The following EXOC3L2 variants were observed in gnomAD, a reference collection of about 807,000 sequenced individuals.
EXOC3L2 encodes exocyst complex component 3-like protein 2.
Under a neutral mutation model 44.4 loss-of-function variants are expected in EXOC3L2, and 17 were observed. The ratio of observed to expected loss-of-function variants is 0.38; its 90% CI spans 0.26 to 0.57. The LOEUF is 0.57. Ranked by LOEUF, EXOC3L2 falls within the 20% of genes least tolerant of loss-of-function variation. The probability of loss-of-function intolerance (pLI) is 0.65; values close to 1 mark genes in which losing one functional copy is unlikely to be tolerated. For missense variants in EXOC3L2, 541 were observed against 588.4 expected (o/e 0.92, Z 0.83); for synonymous variants, 256 against 253.7 (o/e 1.01, Z -0.09).
Position 45,231,844 on chromosome 19 carries a change from G to A in EXOC3L2, c.1188C>T (p.Ala396=), listed in dbSNP as rs756625243. 10 of 1,609,248 alleles carry A rather than the reference G, an allele frequency of 6.2e-6. No individual in the cohort carries two copies. The highest frequency in any genetic ancestry group is 1.7e-5 in the Admixed American group (1 of 59,936). The change falls in exon 4 of 12, where the codon GCC becomes GCT. Residue 396 remains alanine, a synonymous_variant. Coordinates refer to ENST00000413988, the MANE Select transcript of EXOC3L2 (RefSeq NM_001382422.1). ...GGGGCCCCAGCTCCCCATTCTCCAG[G>A]GCGGCCATGTCCACCAGCCCTAGGA... ...REVLGLVDMA[A]LENGELGPLL...
At chr19:45,218,158 T>TGGCCCCC in intron 9 of EXOC3L2, 39 bp downstream of exon 9, 4 of 1,034,898 alleles carry the variant, frequency 3.9e-6, no homozygotes, top group South Asian at 1.8e-5. Flanking sequence ...TCCCCTCTTT[T>TGGCCCCC]CCCCCACCCC....
At chr19:45,228,357 C>T (rs949865874) in intron 4 of EXOC3L2, 91 bp from the exon 5 acceptor site, 3 of 1,117,488 alleles carry the variant, frequency 2.7e-6, no homozygotes, top group Middle Eastern at 2.9e-4. Context: ...TCCCCTAGCC[C>T]TTAACCCCAA....
In EXOC3L2 at chr19:45,224,899, C is replaced by A. The variant is rs765643980; in HGVS notation, c.1598G>T (p.Arg533Leu). 2 of 1,553,510 alleles carry A rather than the reference C, an allele frequency of 1.3e-6. No individual in the cohort carries two copies. The highest frequency in any genetic ancestry group is 8.7e-7 in the Non-Finnish European group (1 of 1,147,914). The change falls in exon 8 of 12, where the codon CGC (arginine) becomes CTC (leucine). Residue 533 changes from arginine to leucine, a missense_variant. Transcript: ENST00000413988. Reference sequence around the variant, plus strand: ...TTCTGGGGGCCCCACCCGGGCCAGGCGCTCGGCCAGAGCTCTGTGGGGATC... The same window carrying A: ...TTCTGGGGGCCCCACCCGGGCCAGGAGCTCGGCCAGAGCTCTGTGGGGATC... ...CGPPLRALAE[R>L]LARVGPPESE... is the part of the protein sequence containing the mutation.
At chr19:45,244,105 G>A (rs1970151143) in intron 1 of EXOC3L2, among the ~76,000 whole-genome samples, 1 of 151,736 alleles carries the variant, frequency 6.6e-6, no homozygotes, top group African/African-American at 2.4e-5. Context: ...TGTATTTTTA[G>A]TAGAGATGAG....
chr19:45,234,702 C>G lies in EXOC3L2; in HGVS notation c.648G>C (p.Glu216Asp). The G allele has an allele frequency of 2.6e-6, 1 of 388,554 alleles. No individual in the cohort carries two copies. The highest frequency in any genetic ancestry group is 2.1e-5 in the African/African-American group (1 of 48,188). The allele number at this position is 388,554 out of a possible 1,614,324, so 24.1% of individuals were successfully genotyped here. ...GCGCCCGGCGGCCCCCGCCAGCGCCCTCGGCCTTGGGAGGCCCAGGCGCGC... is the reference window on the plus strand; with the variant it reads ...GCGCCCGGCGGCCCCCGCCAGCGCCGTCGGCCTTGGGAGGCCCAGGCGCGC... ...RGGAPGPPKA[E>D]GAGGGRRARD... is the part of the protein sequence containing the mutation. Residue 216 changes from glutamate (E) to aspartate (D), a missense_variant, in exon 3 of 12, where the codon GAG becomes GAC. By Grantham distance (45) the Glu-to-Asp change is conservative (BLOSUM62 2). Coordinates refer to ENST00000413988, the MANE Select transcript of EXOC3L2 (RefSeq NM_001382422.1). This position sits in a 1 kb window ranked among gnomAD's most constrained non-coding sequence, Gnocchi z 5.0.
intron 8 of EXOC3L2, among the ~76,000 whole-genome samples, chr19:45,222,641 C>G (rs1205375277): frequency 6.6e-6 from 1 of 152,078 alleles, no homozygotes. Flanking sequence ...TCTCTCTCTC[C>G]CTCAAAACAT....
chr19:45,218,005 T>TC (rs1969855395), intron 9 of EXOC3L2, among the ~76,000 whole-genome samples, 192 bp downstream of exon 9: 2 of 151,262 alleles, frequency 1.3e-5, no homozygotes, highest in Admixed American at 1.3e-4. Flanking sequence ...CGCACATGCC[T>TC]CCCCGCAGAC....
chr19:45,215,132 C>G (rs1969819690), intron 11 of EXOC3L2, among the ~76,000 whole-genome samples: 1 of 152,040 alleles, frequency 6.6e-6, no homozygotes. Context: ...CAAAGTGAGA[C>G]TCTGTCTCAA....
rs780782788 is a variant in EXOC3L2, at chr19:45,227,706, A to G, written c.1539T>C (p.Tyr513=). 4 of 1,613,110 alleles carry G rather than the reference A, an allele frequency of 2.5e-6. No homozygotes were observed. The South Asian group carries it at 3.3e-5, about 13-fold the overall frequency. Residue 513 remains tyrosine, a synonymous_variant, in exon 7 of 12, where the codon TAT becomes TAC. Transcript: ENST00000413988. ...PAVREMLPDT[Y]ISKTIALVNC... is the part of the protein sequence containing the mutation. Reference sequence around the variant, plus strand: ...TGACCAGGGCGATGGTCTTGCTGATATAGGTGTCAGGTAGCATCTCCCGGA... The same window carrying G: ...TGACCAGGGCGATGGTCTTGCTGATGTAGGTGTCAGGTAGCATCTCCCGGA...
At position 45,213,325 on chromosome 19, in the gene EXOC3L2, C is replaced by A. The variant is rs752805504; in HGVS notation, c.2153G>T (p.Arg718Leu). 2 of 1,613,434 alleles carry A rather than the reference C, an allele frequency of 1.2e-6. No homozygotes were observed. Among genetic ancestry groups the A allele is most frequent in the Non-Finnish European group, 1.7e-6 (2 of 1,179,768 alleles). ...GCGGGCGGCTGTGTTGCGCAGGCCACGGATGTCGAGGAGGGCTGCCACGTG... is the reference window on the plus strand; with the variant it reads ...GCGGGCGGCTGTGTTGCGCAGGCCAAGGATGTCGAGGAGGGCTGCCACGTG... The part of the protein sequence containing the change: ...QKHVAALLDI[R>L]GLRNTAARQE... The change falls in exon 12 of 12, where the codon CGT becomes CTT. Residue 718 changes from arginine (R) to leucine (L), a missense_variant. By Grantham distance (102) the Arg-to-Leu change is moderately radical. Transcript: ENST00000413988.
At chr19:45,241,502 G>T (rs993240846) in intron 1 of EXOC3L2, among the ~76,000 whole-genome samples, 1 of 144,216 alleles carries the variant, frequency 6.9e-6, no homozygotes, top group Non-Finnish European at 1.5e-5. Context: ...AAAAAGAAAA[G>T]AAAAAGCACA....
In EXOC3L2 at chr19:45,213,065, A is replaced by G; in HGVS notation, c.*4T>C. 1.4e-6 allele frequency: 2 copies of G among 1,477,118 alleles called. No homozygotes were observed. The highest frequency in any genetic ancestry group is 1.8e-6 in the Non-Finnish European group (2 of 1,119,032). 91.5% of individuals were successfully genotyped at this position (1,477,118 alleles called of 1,614,324 possible). On this transcript the variant is annotated 3_prime_UTR_variant, in exon 12 of 12. Transcript: ENST00000413988. ...GGTCACTAAGGCCGGCGGTTGGGTG[A>G]CCCTCAGCGCTGGGCCCGAGGTCGC...
intron 4 of EXOC3L2, among the ~76,000 whole-genome samples, chr19:45,228,756 G>A (rs1273084824): frequency 4.2e-5 from 6 of 141,872 alleles, no homozygotes; most frequent in African/African-American, 1.3e-4. Context: ...TGGGCAACAG[G>A]GTGAGACTCC....
intron 8 of EXOC3L2, among the ~76,000 whole-genome samples, chr19:45,222,408 C>T (rs978395831): frequency 6.6e-6 from 1 of 152,064 alleles, no homozygotes; most frequent in Admixed American, 6.6e-5. Context: ...ACCATGTTGG[C>T]CAGGCTGGTC....
intron 7 of EXOC3L2, among the ~76,000 whole-genome samples, chr19:45,226,404 C>T (rs1252148562): frequency 6.6e-6 from 1 of 152,064 alleles, no homozygotes; most frequent in Admixed American, 6.6e-5. Flanking sequence ...GAGTCCGAGA[C>T]CAGCCTGGGC....
intron 2 of EXOC3L2, among the ~76,000 whole-genome samples, chr19:45,237,722 T>C (rs368691286): frequency 1.3e-5 from 2 of 151,970 alleles, no homozygotes; most frequent in African/African-American, 4.8e-5. Context: ...AAAAAAAAGA[T>C]ATGTGAAGTC....
intron 8 of EXOC3L2, among the ~76,000 whole-genome samples, chr19:45,222,805 C>T (rs1969912347): frequency 6.6e-6 from 1 of 152,208 alleles, no homozygotes; most frequent in African/African-American, 2.4e-5. Context: ...TCGCAATGGG[C>T]TTTGCCACTT....
At chr19:45,240,693 C>G (rs1054680004) in intron 1 of EXOC3L2, among the ~76,000 whole-genome samples, 1 of 151,848 alleles carries the variant, frequency 6.6e-6, no homozygotes, top group Non-Finnish European at 1.5e-5. Context: ...GTCAGGAGTT[C>G]GAGACCAGCT....
intron 2 of EXOC3L2, among the ~76,000 whole-genome samples, chr19:45,236,447 C>T (rs1970084683): frequency 8.8e-6 from 1 of 113,328 alleles, no homozygotes; most frequent in East Asian, 2.6e-4. Context: ...GCCTGGATGA[C>T]AGAGCTAGAC....
Sources: allele counts gnomAD v4.1 joint callset (sites outside exome capture counted in the v4.1 genomes callset), GRCh38; gene constraint gnomAD v4.1.1; non-coding constraint Gnocchi (gnomAD v3.1); transcripts MANE v1.5; gene names NCBI Gene and HGNC (gene_info 2026-07-23, HGNC 2026-07-21).